CACNA1I: variants seen among roughly 807,000 people sequenced by gnomAD.
CACNA1I encodes the protein voltage-dependent T-type calcium channel subunit alpha-1I.
In CACNA1I, 74 loss-of-function variants were observed where a neutral mutation model predicts 201.6. The ratio of observed to expected loss-of-function variants is 0.37; its 90% CI spans 0.30 to 0.45. The LOEUF (loss-of-function observed/expected upper bound fraction) is 0.45. Ranked by LOEUF, CACNA1I falls within the 20% of genes least tolerant of loss-of-function variation. The pLI is 1.00. For missense variants in CACNA1I, 2,346 were observed against 3,138.1 expected, an observed-to-expected ratio of 0.75 and a Z score of 6.03; for synonymous variants, 1,431 against 1,345.2, an observed-to-expected ratio of 1.06 and a Z score of -1.40.
intron 34 of CACNA1I, among the ~76,000 whole-genome samples, chr22:39,681,446 T>C (rs1010634934): frequency 6.6e-6 from 1 of 152,192 alleles, no homozygotes; most frequent in East Asian, 1.9e-4. Flanking sequence ...GCACCTACTA[T>C]GTGCAGGCGC....
chr22:39,656,634 C>A, intron 10 of CACNA1I: 1 of 513,770 alleles, frequency 1.9e-6, no homozygotes, highest in Non-Finnish European at 3.9e-6. Context: ...TTTGTGGTAG[C>A]CATGCAGGAA....
chr22:39,664,043 G>C lies in CACNA1I; in HGVS notation c.3598-48G>C, dbSNP rs59528923. The C allele has an allele frequency of 8.1e-4, 1,286 of 1,582,622 alleles. 9 individuals are homozygous for C. In the African/African-American group the frequency reaches 0.016, roughly 20 times the overall value. ...CAAAGCAGCGGCTGGCCAGTGGCCG[G>C]GCAGCTCTGGGAGCCCCTGAGCCTA... On this transcript the variant is annotated intron_variant, in intron 19 of 36. Coordinates refer to ENST00000402142, the MANE Select transcript of CACNA1I (RefSeq NM_021096.4).
chr22:39,600,582 G>C lies in CACNA1I; in HGVS notation c.411G>C (p.Leu137=), dbSNP rs1933003892. 1 of 1,611,714 alleles carries C rather than the reference G, an allele frequency of 6.2e-7. No homozygotes were observed. ...AMEMVLKMVA[L]GIFGKKCYLG... is the part of the protein sequence containing the mutation. ...AGATGGTGCTCAAGATGGTGGCCCT[G>C]GGGATTTTTGGCAAGAAGTGCTACC... The change falls in exon 3 of 37, where the codon CTG becomes CTC. Residue 137 remains leucine, a synonymous_variant. Transcript: ENST00000402142.
chr22:39,628,181 T>G (rs1224914342), intron 4 of CACNA1I, among the ~76,000 whole-genome samples: 1 of 152,192 alleles, frequency 6.6e-6, no homozygotes, highest in Non-Finnish European at 1.5e-5. Flanking sequence ...GTGGATTAAC[T>G]GACTCATGGA....
intron 3 of CACNA1I, among the ~76,000 whole-genome samples, chr22:39,606,479 G>A (rs1002797223): frequency 1.3e-5 from 2 of 152,212 alleles, no homozygotes; most frequent in East Asian, 3.8e-4. Context: ...CTTCCAGTGT[G>A]TGACAAAGAC....
At chr22:39,662,751 C>A (rs557875460) in intron 17 of CACNA1I, 25 bp from the exon 18 acceptor site, 1 of 1,511,794 alleles carries the variant, frequency 6.6e-7, no homozygotes, top group South Asian at 1.2e-5. Flanking sequence ...CGCTGACCCC[C>A]GGCGCTCCGT....
Position 39,666,140 on chromosome 22 carries a change from T to G in CACNA1I, c.4104+134T>G. ...TTCTCCTCTCCAAGCCTCAGTTTCC[T>G]CTTCTGCAAAATGGGTAAGGGTAGC... On this transcript the variant is annotated intron_variant, in intron 23 of 36. Coordinates refer to ENST00000402142, the MANE Select transcript of CACNA1I (RefSeq NM_021096.4). This position sits in a 1 kb window ranked among gnomAD's most constrained non-coding sequence, Gnocchi z 4.1. 1 of 1,170,714 alleles carries G rather than the reference T, an allele frequency of 8.5e-7. No individual in the cohort carries two copies. The highest frequency in any genetic ancestry group is 1.2e-6 in the Non-Finnish European group (1 of 825,872). The allele number at this position is 1,170,714 out of a possible 1,614,324, so 72.5% of individuals were successfully genotyped here.
Position 39,679,841 on chromosome 22 carries a change from C to G in CACNA1I, c.5514C>G (p.Cys1838Trp). 6.2e-7 allele frequency: 1 copy of G among 1,612,684 alleles called. No homozygotes were observed. The highest frequency in any genetic ancestry group is 8.5e-7 in the Non-Finnish European group (1 of 1,179,476). ...ACCACTACTCCTCGCCTGCCGGCTGCAAGAAGTGTCACCACGACAAGCAAG... is the reference window on the plus strand; with the variant it reads ...ACCACTACTCCTCGCCTGCCGGCTGGAAGAAGTGTCACCACGACAAGCAAG... ...IFHHYSSPAG[C>W]KKCHHDKQEV... is the part of the protein sequence containing the mutation. The change falls in exon 33 of 37, where the codon TGC becomes TGG. Residue 1838 changes from cysteine (C) to tryptophan (W), a missense_variant. Around this residue, in one of 13 missense-constraint regions of CACNA1I, gnomAD observed 441 missense variants for 555.6 expected, o/e 0.79. Transcript: ENST00000402142.
At position 39,650,678 on chromosome 22, in the gene CACNA1I, A is replaced by G. The variant is rs139310628; in HGVS notation, c.1992+753A>G. On this transcript the variant is annotated intron_variant, in intron 10 of 36. Transcript: ENST00000402142. Reference sequence around the variant, plus strand: ...CAGTGACTCCACCCCATACAGCCCCATGGCGCTGAGGGCGAGTGGCCCTGT... The same window carrying G: ...CAGTGACTCCACCCCATACAGCCCCGTGGCGCTGAGGGCGAGTGGCCCTGT... 4.8e-4 allele frequency among the ~76,000 whole-genome samples: 73 copies of G among 152,310 alleles called. No homozygotes were observed. In the East Asian group the frequency reaches 0.012, roughly 25 times the overall value.
At chr22:39,679,484 G>A in intron 32 of CACNA1I, 39 bp downstream of exon 32, 2 of 1,346,682 alleles carry the variant, frequency 1.5e-6, no homozygotes, top group Non-Finnish European at 1.9e-6. Flanking sequence ...TCGCCAGAGG[G>A]GGGGCACCGC....
At position 39,641,030 on chromosome 22, in the gene CACNA1I, G is replaced by A. The variant is rs746228837; in HGVS notation, c.904G>A (p.Asp302Asn). 13 of 1,613,926 alleles carry A rather than the reference G, an allele frequency of 8.1e-6. No homozygotes were observed. The Admixed American group carries it at 8.3e-5, about 10-fold the overall frequency. ...ECCLSKDDVYDFGAGRQDLNA... is the reference protein window; with the variant it reads ...ECCLSKDDVYNFGAGRQDLNA... ...CTGCCTGTCCAAGGACGACGTCTAC[G>A]ACTTTGGGGCGGGGCGCCAGGACCT... is the stretch of plus-strand genomic sequence containing the variant. Residue 302 changes from aspartate to asparagine, a missense_variant, in exon 6 of 37, where the codon GAC (aspartate) becomes AAC (asparagine). Asp to Asn is a conservative substitution (Grantham distance 23, BLOSUM62 1). Transcript: ENST00000402142.
intron 24 of CACNA1I, among the ~76,000 whole-genome samples, chr22:39,669,334 C>T (rs56059549): frequency 0.032 from 4,845 of 152,246 alleles, 273 homozygotes; most frequent in African/African-American, 0.11. Flanking sequence ...TTCTCTATTT[C>T]CTTGTCTGCT....
chr22:39,664,931 C>A lies in CACNA1I; in HGVS notation c.3851+8C>A. ...CACCCTACGCCCCCTGCGGTGAGGA[C>A]CCCTCCTGGGCGGATGGGGGAAAGT... On this transcript the variant is annotated splice_region_variant and intron_variant, in intron 21 of 36. Coordinates refer to ENST00000402142, the MANE Select transcript of CACNA1I (RefSeq NM_021096.4). 2 of 1,610,396 alleles carry A rather than the reference C, an allele frequency of 1.2e-6. No homozygotes were observed. Among genetic ancestry groups the A allele is most frequent in the South Asian group, 1.1e-5 (1 of 91,050 alleles).
In CACNA1I at chr22:39,642,852, CCTT is replaced by C; in HGVS notation, c.1115_1117del (p.Phe372del). ...ATGTACTACGTGATGGATGCTCACT[CCTT>C]CTACAACTTCATCTACTTCATCCTG... On this transcript the variant is annotated inframe_deletion, in exon 7 of 37. Coordinates refer to ENST00000402142, the MANE Select transcript of CACNA1I (RefSeq NM_021096.4). 1.9e-6 allele frequency: 3 copies of C among 1,610,864 alleles called. No homozygotes were observed. The highest frequency in any genetic ancestry group is 2.5e-6 in the Non-Finnish European group (3 of 1,178,162).
chr22:39,621,620 G>T (rs1933745865), intron 4 of CACNA1I, among the ~76,000 whole-genome samples: 1 of 152,192 alleles, frequency 6.6e-6, no homozygotes, highest in Non-Finnish European at 1.5e-5. Flanking sequence ...GGCTTGGCTT[G>T]GGTAGGGCAC....
At chr22:39,655,140 A>T (rs1934773941) in intron 10 of CACNA1I, among the ~76,000 whole-genome samples, 1 of 152,102 alleles carries the variant, frequency 6.6e-6, no homozygotes, top group Non-Finnish European at 1.5e-5. Flanking sequence ...GTGATAATAC[A>T]GGGCTTGAGA....
At chr22:39,594,260 A>C (rs1250177501) in intron 1 of CACNA1I, among the ~76,000 whole-genome samples, 2 of 152,134 alleles carry the variant, frequency 1.3e-5, no homozygotes, top group East Asian at 3.9e-4. Context: ...CAGCAGGGGC[A>C]CCGGGCTCCT....
At chr22:39,655,535 C>T (rs1044381427) in intron 10 of CACNA1I, among the ~76,000 whole-genome samples, 2 of 152,286 alleles carry the variant, frequency 1.3e-5, no homozygotes, top group South Asian at 2.1e-4. Flanking sequence ...TCTTTCTGGC[C>T]GTACCTATGG....
chr22:39,619,014 G>A (rs537065180), intron 3 of CACNA1I, among the ~76,000 whole-genome samples: 7 of 152,290 alleles, frequency 4.6e-5, no homozygotes, highest in Non-Finnish European at 8.8e-5. Context: ...AGGAGGATGC[G>A]CTGGGGCAGG....
Sources: allele counts gnomAD v4.1 joint callset (sites outside exome capture counted in the v4.1 genomes callset), GRCh38; gene constraint gnomAD v4.1.1; regional missense constraint gnomAD v4.1.1; non-coding constraint Gnocchi (gnomAD v3.1); transcripts MANE v1.5; gene names NCBI Gene and HGNC (gene_info 2026-07-23, HGNC 2026-07-21).